RXFP2: variants seen among roughly 807,000 people sequenced by gnomAD.
RXFP2 encodes relaxin family peptide receptor 2.
RXFP2 carries 68 observed loss-of-function variants against 88.6 expected under a neutral mutation model. That is an observed-to-expected ratio of 0.77 (90% CI 0.63 to 0.94). The LOEUF is 0.94. Ranked by LOEUF, RXFP2 falls within the 40% of genes least tolerant of loss-of-function variation. The probability of loss-of-function intolerance (pLI) is 0.00; values close to 1 mark genes in which losing one functional copy is unlikely to be tolerated. For missense variants in RXFP2, 791 were observed against 893.9 expected (o/e 0.88, Z 1.47); for synonymous variants, 329 against 306.8 (o/e 1.07, Z -0.76).
chr13:31,769,212 A>C (rs545530976), intron 5 of RXFP2, among the ~76,000 whole-genome samples: 1 of 152,346 alleles, frequency 6.6e-6, no homozygotes, highest in African/African-American at 2.4e-5. Context: ...GTGAGGGCTA[A>C]AAATAAACCA....
At chr13:31,757,769 G>A (rs1872025862) in intron 1 of RXFP2, among the ~76,000 whole-genome samples, 1 of 152,088 alleles carries the variant, frequency 6.6e-6, no homozygotes, top group Admixed American at 6.5e-5. Context: ...TCTTGATATA[G>A]CTGATGTTGG....
intron 1 of RXFP2, among the ~76,000 whole-genome samples, chr13:31,748,828 A>G (rs1312264235): frequency 6.6e-6 from 1 of 152,142 alleles, no homozygotes; most frequent in Non-Finnish European, 1.5e-5. Context: ...CTATTAAAAT[A>G]CAAAAAAGAA....
At chr13:31,792,565 T>G (rs546551943) in intron 15 of RXFP2, 113 bp from the exon 16 acceptor site, 1 of 1,021,688 alleles carries the variant, frequency 9.8e-7, no homozygotes. Flanking sequence ...TGATATAAGA[T>G]GAAAGGAACT....
intron 1 of RXFP2, among the ~76,000 whole-genome samples, chr13:31,751,362 G>A (rs1871665492): frequency 6.6e-6 from 1 of 152,120 alleles, no homozygotes; most frequent in Non-Finnish European, 1.5e-5. Context: ...TGCAGAGTCT[G>A]AGAAAGCAAG....
chr13:31,770,222 C>T (rs1872688009), intron 5 of RXFP2, among the ~76,000 whole-genome samples: 1 of 152,218 alleles, frequency 6.6e-6, no homozygotes. Context: ...TTCACCTGTT[C>T]TATGATCTTC....
intron 16 of RXFP2, among the ~76,000 whole-genome samples, chr13:31,793,428 ACT>A (rs908930946): frequency 1.5e-4 from 20 of 134,866 alleles, no homozygotes; most frequent in Admixed American, 1.1e-3. Context: ...AGTTATTTAA[ACT>A]CTTTTTTTTT....
intron 1 of RXFP2, among the ~76,000 whole-genome samples, chr13:31,749,281 G>A (rs1736581932): frequency 6.6e-6 from 1 of 151,974 alleles, no homozygotes; most frequent in African/African-American, 2.4e-5. Flanking sequence ...TTTCTATTCT[G>A]TTCCATTGGT....
At chr13:31,774,550 G>C in intron 5 of RXFP2, 70 bp from the exon 6 acceptor site, 1 of 825,756 alleles carries the variant, frequency 1.2e-6, no homozygotes, top group East Asian at 2.4e-5. Flanking sequence ...AGAAAGTGGA[G>C]AATATGTTCA....
intron 17 of RXFP2, among the ~76,000 whole-genome samples, chr13:31,798,278 T>A (rs149519286): frequency 6.6e-6 from 1 of 152,294 alleles, no homozygotes; most frequent in African/African-American, 2.4e-5. Flanking sequence ...ATGTCAAATA[T>A]CTTGCTGCAA....
chr13:31,739,818 A>G, intron 1 of RXFP2, 112 bp downstream of exon 1: 1 of 750,772 alleles, frequency 1.3e-6, no homozygotes, highest in South Asian at 1.5e-5. Context: ...AAAAAAACAG[A>G]CATCAAATTT....
chr13:31,764,876 G>A (rs1045828806), intron 3 of RXFP2, among the ~76,000 whole-genome samples, 161 bp from the exon 4 acceptor site: 4 of 152,198 alleles, frequency 2.6e-5, no homozygotes, highest in African/African-American at 9.7e-5. Flanking sequence ...ATTTAAGTAG[G>A]AGAGAATTCT....
intron 15 of RXFP2, among the ~76,000 whole-genome samples, chr13:31,792,380 A>G (rs1873838998): frequency 6.6e-6 from 1 of 152,212 alleles, no homozygotes; most frequent in African/African-American, 2.4e-5. Context: ...TCCCTTTATT[A>G]ACTATGAAGA....
Position 31,792,688 on chromosome 13 carries a change from C to G in RXFP2, c.1386C>G (p.Cys462Trp). Residue 462 changes from cysteine to tryptophan, a missense_variant, in exon 16 of 18, where the codon TGC (cysteine) becomes TGG (tryptophan). Cys to Trp is a radical substitution (Grantham distance 215, BLOSUM62 -2). Coordinates refer to ENST00000298386, the MANE Select transcript of RXFP2 (RefSeq NM_130806.5). ...TCAATTCTTCCACAGGTGCTGATTG[C>G]CTGATGGGTGTTTACTTGTTCTTTG... ...MSIKILCCAD[C>W]LMGVYLFFVG... 6.2e-7 allele frequency: 1 copy of G among 1,614,006 alleles called. No individual in the cohort carries two copies. Among genetic ancestry groups the G allele is most frequent in the Non-Finnish European group, 8.5e-7 (1 of 1,179,936 alleles).
At chr13:31,783,679 G>A (rs1466338564) in intron 11 of RXFP2, among the ~76,000 whole-genome samples, 1 of 152,172 alleles carries the variant, frequency 6.6e-6, no homozygotes, top group Non-Finnish European at 1.5e-5. Flanking sequence ...AAACTTAAAG[G>A]CAGCTCATTC....
Position 31,779,549 on chromosome 13 carries a change from C to A in RXFP2, c.785+966C>A, listed in dbSNP as rs544528706. 3.9e-5 allele frequency among the ~76,000 whole-genome samples: 6 copies of A among 152,290 alleles called. No individual in the cohort carries two copies. In the East Asian group the frequency reaches 1.2e-3, roughly 29 times the overall value. On this transcript the variant is annotated intron_variant, in intron 9 of 17. Coordinates refer to ENST00000298386, the MANE Select transcript of RXFP2 (RefSeq NM_130806.5). ...ACTCCTTGTTAGCTTTTAACCAATA[C>A]CTGTTTAAAACATTCATTTAATTTA...
At chr13:31,755,129 A>G (rs1485227506) in intron 1 of RXFP2, among the ~76,000 whole-genome samples, 1 of 152,214 alleles carries the variant, frequency 6.6e-6, no homozygotes, top group African/African-American at 2.4e-5. Flanking sequence ...GAGGTTAAGT[A>G]GCTTACCTGA....
rs1555284036 is a variant in RXFP2 at position 31,776,061 on chromosome 13, C to CT, written c.641+674dup. On this transcript the variant is annotated intron_variant, in intron 7 of 17. Transcript: ENST00000298386. ...TTTTTCTTTCTTTCCTTTCTTTCTT[C>CT]TTCTTTCTTTCTTTCTTTCCTTCCT... 1.8e-3 allele frequency among the ~76,000 whole-genome samples: 185 copies of CT among 103,940 alleles called. 3 individuals are homozygous for CT. The highest frequency in any genetic ancestry group is 0.01 in the Middle Eastern group (2 of 192). 68.2% of individuals were successfully genotyped at this position (103,940 alleles called of 152,430 possible). A position where few individuals can be genotyped will look rare whatever the true frequency, so the allele number is the denominator to read the frequency against.
intron 1 of RXFP2, among the ~76,000 whole-genome samples, chr13:31,747,382 A>G (rs1218080519): frequency 6.6e-6 from 1 of 152,214 alleles, no homozygotes; most frequent in Non-Finnish European, 1.5e-5. Context: ...AAACTGAACC[A>G]TTGGTGTAAG....
At chr13:31,757,974 C>A (rs927389188) in intron 1 of RXFP2, among the ~76,000 whole-genome samples, 1 of 152,054 alleles carries the variant, frequency 6.6e-6, no homozygotes, top group Non-Finnish European at 1.5e-5. Flanking sequence ...CGTCTGTAAT[C>A]TTGGCTACTC....
Sources: allele counts gnomAD v4.1 joint callset (sites outside exome capture counted in the v4.1 genomes callset), GRCh38; gene constraint gnomAD v4.1.1; transcripts MANE v1.5; gene names NCBI Gene and HGNC (gene_info 2026-07-23, HGNC 2026-07-21).